The following WDR4 variants were observed in gnomAD, a reference collection of about 807,000 sequenced individuals.
WDR4 encodes the protein WDR4 tRNA N7-guanosine methyltransferase non-catalytic subunit.
WDR4 carries 47 observed loss-of-function variants against 48.6 expected under a neutral mutation model. The ratio of observed to expected loss-of-function variants is 0.97; its 90% CI spans 0.77 to 1.23. The LOEUF is 1.23. WDR4 is among the 50% of genes most tolerant of loss of function. WDR4 has a pLI of 0.00. For missense variants in WDR4, 606 were observed against 551.6 expected, an observed-to-expected ratio of 1.10 and a Z score of -0.99; for synonymous variants, 268 against 230.0, an observed-to-expected ratio of 1.17 and a Z score of -1.49.
intron 2 of WDR4, among the ~76,000 whole-genome samples, chr21:42,874,087 G>A (rs2058434131): frequency 6.6e-6 from 1 of 152,238 alleles, no homozygotes; most frequent in African/African-American, 2.4e-5. Context: ...GTTGCGAGAA[G>A]TCAGGGACCC....
At chr21:42,859,770 A>G (rs1220218336) in intron 5 of WDR4, 48 bp from the exon 6 acceptor site, 3 of 1,543,856 alleles carry the variant, frequency 1.9e-6, no homozygotes, top group African/African-American at 1.4e-5. Context: ...CAGCGCCCGC[A>G]GGGACCGGGA....
At chr21:42,878,128 ATTACTAT>A (rs1283988211) in intron 1 of WDR4, among the ~76,000 whole-genome samples, 1 of 152,082 alleles carries the variant, frequency 6.6e-6, no homozygotes, top group Non-Finnish European at 1.5e-5. Flanking sequence ...TCAAAGAGCC[ATTACTAT>A]TTAGAAACAT....
At chr21:42,870,649 C>T (rs1347996727) in intron 3 of WDR4, among the ~76,000 whole-genome samples, 1 of 152,138 alleles carries the variant, frequency 6.6e-6, no homozygotes, top group African/African-American at 2.4e-5. Flanking sequence ...ATTAGCCAGA[C>T]GTGGTGGCAC....
At chr21:42,887,229 T>C in the WDR4 span, among the ~76,000 whole-genome samples, 2 of 151,908 alleles carry the variant, frequency 1.3e-5, no homozygotes, top group Non-Finnish European at 2.9e-5. Context: ...CAACCTCAGG[T>C]GATCCGCCCA....
chr21:42,871,240 G>A (rs1206911456), intron 3 of WDR4, among the ~76,000 whole-genome samples: 1 of 152,224 alleles, frequency 6.6e-6, no homozygotes, highest in Non-Finnish European at 1.5e-5. Context: ...ACAACTGTGA[G>A]AAAATTGTTA....
intron 6 of WDR4, among the ~76,000 whole-genome samples, chr21:42,856,966 G>C (rs1400617647): frequency 6.6e-6 from 1 of 152,160 alleles, no homozygotes; most frequent in Non-Finnish European, 1.5e-5. Context: ...CAGCCGCGGA[G>C]AGACAGCAAG....
At chr21:42,843,111 A>C (rs1310855363) in exon 12 of WDR4, 1 of 152,242 alleles carries the variant, frequency 6.6e-6, no homozygotes, top group African/African-American at 2.4e-5. Flanking sequence ...TCAAAAATTT[A>C]CTACACAGAC....
At chr21:42,882,260 C>G (rs541609170), upstream of WDR4, among the ~76,000 whole-genome samples, 25 of 147,036 alleles carry the variant, frequency 1.7e-4, no homozygotes, top group Non-Finnish European at 3.2e-4. Flanking sequence ...CTTTCTTTTT[C>G]AATTAAGAAA....
downstream of WDR4, among the ~76,000 whole-genome samples, chr21:42,844,702 G>A (rs540438700): frequency 1.3e-5 from 2 of 152,346 alleles, no homozygotes; most frequent in South Asian, 2.1e-4. Flanking sequence ...GAGTGCCAGC[G>A]AGACTCACCC....
At chr21:42,884,292 A>C (rs893054305), upstream of WDR4, among the ~76,000 whole-genome samples, 4 of 152,178 alleles carry the variant, frequency 2.6e-5, no homozygotes, top group African/African-American at 9.7e-5. Flanking sequence ...TAAACTTTTC[A>C]GGAACTGGCC....
chr21:42,853,099 C>T (rs899746715), intron 9 of WDR4, among the ~76,000 whole-genome samples: 22 of 152,008 alleles, frequency 1.4e-4, no homozygotes, highest in Admixed American at 7.2e-4. Flanking sequence ...CAGCTCGGCC[C>T]GCCGCCCTCG....
chr21:42,875,916 CTTTTTTTTTT>C lies in WDR4; in HGVS notation c.155+776_155+785del, dbSNP rs71194083. ...TATTTAGAAAAGTCCTAACACTGTG[CTTTTTTTTTT>C]TTTTTTTTTGAGACGGAGTCTTGCT... On this transcript the variant is annotated intron_variant, in intron 2 of 10. Transcript: ENST00000398208. 9.5e-5 allele frequency among the ~76,000 whole-genome samples: 10 copies of C among 104,898 alleles called. No individual in the cohort carries two copies. The South Asian group carries it at 3.2e-3, about 33-fold the overall frequency. 68.8% of individuals were successfully genotyped at this position (104,898 alleles called of 152,430 possible).
At chr21:42,885,173 C>T in the WDR4 span, among the ~76,000 whole-genome samples, 27,545 of 152,148 alleles carry the variant, frequency 0.18, 3,372 homozygotes, top group African/African-American at 0.35. Context: ...CAGACCTAAT[C>T]ACCCTAGCAG....
intron 3 of WDR4, among the ~76,000 whole-genome samples, chr21:42,871,106 A>G (rs1569332789): frequency 6.6e-6 from 1 of 152,320 alleles, no homozygotes; most frequent in Middle Eastern, 3.4e-3. Flanking sequence ...AAATGAGGAC[A>G]TAGACACAAA....
chr21:42,876,255 C>T (rs2058490150), intron 2 of WDR4, among the ~76,000 whole-genome samples: 1 of 123,608 alleles, frequency 8.1e-6, no homozygotes, highest in African/African-American at 3.4e-5. Flanking sequence ...GCTCTATTCC[C>T]CAGGCTGGAG....
downstream of WDR4, among the ~76,000 whole-genome samples, chr21:42,847,163 A>T: frequency 6.6e-6 from 1 of 152,212 alleles, no homozygotes; most frequent in East Asian, 1.9e-4. Flanking sequence ...GAGCAGATTA[A>T]ATTGAAGGAG....
chr21:42,869,471 T>C (rs914325223), intron 3 of WDR4, among the ~76,000 whole-genome samples: 3 of 152,138 alleles, frequency 2.0e-5, no homozygotes, highest in Admixed American at 6.5e-5. Context: ...GGCAAGGGTA[T>C]TGGAAAATGC....
Position 42,875,916 on chromosome 21 carries a change from CT to C in WDR4, c.155+785del, listed in dbSNP as rs71194083. On this transcript the variant is annotated intron_variant, in intron 2 of 10. Transcript: ENST00000398208. Reference sequence around the variant, plus strand: ...TATTTAGAAAAGTCCTAACACTGTGCTTTTTTTTTTTTTTTTTTTGAGACGG... The same window carrying C: ...TATTTAGAAAAGTCCTAACACTGTGCTTTTTTTTTTTTTTTTTTGAGACGG... 9.4e-4 allele frequency among the ~76,000 whole-genome samples: 99 copies of C among 104,890 alleles called. 1 individual carries two copies. The highest frequency in any genetic ancestry group is 7.4e-3 in the Middle Eastern group (1 of 136). The allele number at this position is 104,890 out of a possible 152,430, so 68.8% of individuals were successfully genotyped here. A position where few individuals can be genotyped will look rare whatever the true frequency, so the allele number is the denominator to read the frequency against.
chr21:42,873,233 G>C (rs983512638), intron 3 of WDR4, among the ~76,000 whole-genome samples: 1 of 152,198 alleles, frequency 6.6e-6, no homozygotes, highest in Non-Finnish European at 1.5e-5. Flanking sequence ...CTGGAAAACA[G>C]GGGCACCAAC....
Sources: allele counts gnomAD v4.1 joint callset (sites outside exome capture counted in the v4.1 genomes callset), GRCh38; gene constraint gnomAD v4.1.1; transcripts MANE v1.5; gene names NCBI Gene and HGNC (gene_info 2026-07-23, HGNC 2026-07-21).